ADCY6: variants seen among roughly 807,000 people sequenced by gnomAD.
ADCY6 encodes the protein adenylate cyclase type 6.
Under a neutral mutation model 111.6 loss-of-function variants are expected in ADCY6, and 59 were observed. That is an observed-to-expected ratio of 0.53 (90% CI 0.43 to 0.66). ADCY6 has a LOEUF of 0.66. ADCY6 is among the 30% of genes least tolerant of loss of function. The probability of loss-of-function intolerance (pLI) is 0.00; values close to 1 mark genes in which losing one functional copy is unlikely to be tolerated. For missense variants in ADCY6, 1,242 were observed against 1,595.6 expected, an observed-to-expected ratio of 0.78 and a Z score of 3.78; for synonymous variants, 576 against 642.9, an observed-to-expected ratio of 0.90 and a Z score of 1.57.
At chr12:48,786,972 T>C (rs989481168) in intron 1 of ADCY6, among the ~76,000 whole-genome samples, 11 of 152,082 alleles carry the variant, frequency 7.2e-5, no homozygotes, top group Admixed American at 5.2e-4. Context: ...ACTTGAAAAA[T>C]ATTAGTTCTT....
chr12:48,786,861 G>C (rs1941987629), intron 1 of ADCY6, among the ~76,000 whole-genome samples: 1 of 152,138 alleles, frequency 6.6e-6, no homozygotes, highest in Non-Finnish European at 1.5e-5. Flanking sequence ...CACTGCCTTG[G>C]GCAAGTTATT....
intron 3 of ADCY6, 107 bp downstream of exon 3, chr12:48,778,001 G>C: frequency 6.9e-7 from 1 of 1,446,220 alleles, no homozygotes; most frequent in South Asian, 1.4e-5. Context: ...CAACCCAGGG[G>C]AACCATCACA....
intron 14 of ADCY6, 122 bp downstream of exon 14, chr12:48,774,280 C>A: frequency 8.8e-7 from 1 of 1,135,860 alleles, no homozygotes; most frequent in East Asian, 2.5e-5. Context: ...GTTAACCTTC[C>A]CCTATTCTGG....
chr12:48,776,337 T>A lies in ADCY6; in HGVS notation c.1549A>T (p.Thr517Ser), dbSNP rs774133986. 6.2e-7 allele frequency: 1 copy of A among 1,614,140 alleles called. No homozygotes were observed. The highest frequency in any genetic ancestry group is 2.2e-5 in the East Asian group (1 of 44,868). The change falls in exon 8 of 22, where the codon ACT becomes TCT. Residue 517 changes from threonine (T) to serine (S), a missense_variant. Thr to Ser is a moderately conservative substitution (Grantham distance 58). Around this residue, in one of 4 missense-constraint regions of ADCY6, gnomAD observed 260 missense variants for 414.6 expected, o/e 0.63. Coordinates refer to ENST00000357869, the MANE Select transcript of ADCY6 (RefSeq NM_015270.5). The surrounding 1 kb of genome is among the most constrained non-coding windows in gnomAD (Gnocchi z 6.1). ...TTCAGGTACTGCAGTGTTGCCCGAG[T>A]GATGTGGATGCGGCTGTATGTGGCC... is the stretch of plus-strand genomic sequence containing the variant. ...AGGRAGRIHI[T>S]RATLQYLNGD...
Position 48,777,134 on chromosome 12 carries a change from T to C in ADCY6, c.1346A>G (p.Glu449Gly). 6.2e-7 allele frequency: 1 copy of C among 1,612,646 alleles called. No homozygotes were observed. The highest frequency in any genetic ancestry group is 2.2e-5 in the East Asian group (1 of 44,864). The change falls in exon 6 of 22, where the codon GAG becomes GGG. Residue 449 changes from glutamate to glycine, a missense_variant. By Grantham distance (98) the Glu-to-Gly change is moderately conservative (BLOSUM62 -2). Around this residue, in one of 4 missense-constraint regions of ADCY6, gnomAD observed 260 missense variants for 414.6 expected, o/e 0.63. Transcript: ENST00000357869. The surrounding 1 kb of genome is among the most constrained non-coding windows in gnomAD (Gnocchi z 4.9). ...ARADHAHCCV[E>G]MGVDMIEAIS... Reference sequence around the variant, plus strand: ...GGCCTCAATCATGTCTACCCCCATCTCCACACAGCAGTGGGCATGGTCGGC... The same window carrying C: ...GGCCTCAATCATGTCTACCCCCATCCCCACACAGCAGTGGGCATGGTCGGC...
At chr12:48,781,354 C>T (rs1941839395) in intron 2 of ADCY6, among the ~76,000 whole-genome samples, 1 of 152,202 alleles carries the variant, frequency 6.6e-6, no homozygotes, top group East Asian at 1.9e-4. Flanking sequence ...CAACAGGCCA[C>T]AAGCCTTCAA....
intron 1 of ADCY6, among the ~76,000 whole-genome samples, chr12:48,785,272 T>C (rs1258337211): frequency 6.6e-6 from 1 of 152,202 alleles, no homozygotes; most frequent in Non-Finnish European, 1.5e-5. Flanking sequence ...AAGGCAAGGA[T>C]TTTGACCTGC....
chr12:48,775,186 C>A, intron 11 of ADCY6, 117 bp downstream of exon 11: 1 of 1,498,456 alleles, frequency 6.7e-7, no homozygotes. Flanking sequence ...CCTCACCCTG[C>A]TCTGTGGTCC....
In ADCY6 at chr12:48,782,696, A is replaced by G. The variant is rs1354435462; in HGVS notation, c.739T>C (p.Tyr247His). The change falls in exon 2 of 22, where the codon TAC (tyrosine) becomes CAC (histidine). Residue 247 changes from tyrosine to histidine, a missense_variant. Physicochemically the swap from Tyr to His is moderately conservative, Grantham distance 83 (BLOSUM62 2). Around this residue, in one of 4 missense-constraint regions of ADCY6, gnomAD observed 362 missense variants for 377.2 expected, o/e 0.96. Coordinates refer to ENST00000357869, the MANE Select transcript of ADCY6 (RefSeq NM_015270.5). This position sits in a 1 kb window ranked among gnomAD's most constrained non-coding sequence, Gnocchi z 4.3. ...ATGGGGAGGAGCGTGTAGGCGATGT[A>G]GACAAAGAACACAGGGCACCAGAGG... Reference protein sequence around the residue: ...AGLWCPVFFVYIAYTLLPIRM... With the variant: ...AGLWCPVFFVHIAYTLLPIRM... 1 of 1,592,340 alleles carries G rather than the reference A, an allele frequency of 6.3e-7. No individual in the cohort carries two copies. Among genetic ancestry groups the G allele is most frequent in the African/African-American group, 1.3e-5 (1 of 74,534 alleles).
Position 48,782,543 on chromosome 12 carries a change from C to T in ADCY6, c.864+28G>A, listed in dbSNP as rs954957612. The T allele has an allele frequency of 3.1e-6, 5 of 1,589,176 alleles. No individual in the cohort carries two copies. Among genetic ancestry groups the T allele is most frequent in the Non-Finnish European group, 4.3e-6 (5 of 1,167,704 alleles). On this transcript the variant is annotated intron_variant, in intron 2 of 21. Transcript: ENST00000357869. This position sits in a 1 kb window ranked among gnomAD's most constrained non-coding sequence, Gnocchi z 4.3. ...GGTGAGAAATTCCCCACCTGCTGCC[C>T]TCCATCCCTACCTCCCTGGCCACCT...
Position 48,768,427 on chromosome 12 carries a change from G to C in ADCY6, c.*164C>G. The C allele has an allele frequency of 1.0e-6, 1 of 992,734 alleles. No individual in the cohort carries two copies. The highest frequency in any genetic ancestry group is 1.5e-6 in the Non-Finnish European group (1 of 665,576). 61.5% of individuals were successfully genotyped at this position (992,734 alleles called of 1,614,324 possible). A position where few individuals can be genotyped will look rare whatever the true frequency, so the allele number is the denominator to read the frequency against. ...TAGGTAGCCCCTTGTTTTCCAGCTTGAGGGCAGACGAGCATGATCCAAGCA... is the reference window on the plus strand; with the variant it reads ...TAGGTAGCCCCTTGTTTTCCAGCTTCAGGGCAGACGAGCATGATCCAAGCA... On this transcript the variant is annotated 3_prime_UTR_variant, in exon 22 of 22. Transcript: ENST00000357869.
In ADCY6 at chr12:48,777,353, G is replaced by A. The variant is rs1592160708; in HGVS notation, c.1248+57C>T. 1 of 1,606,070 alleles carries A rather than the reference G, an allele frequency of 6.2e-7. No individual in the cohort carries two copies. Among genetic ancestry groups the A allele is most frequent in the Non-Finnish European group, 8.5e-7 (1 of 1,174,172 alleles). ...CAAATCCCCAGCTGCTGCCAGCAAA[G>A]CTATGCTCTCACCACGGTCAACACC... On this transcript the variant is annotated intron_variant, in intron 5 of 21. Transcript: ENST00000357869. This position sits in a 1 kb window ranked among gnomAD's most constrained non-coding sequence, Gnocchi z 4.9.
At chr12:48,784,667 T>TTTTTTTTG (rs1468507514) in intron 1 of ADCY6, among the ~76,000 whole-genome samples, 12 of 125,184 alleles carry the variant, frequency 9.6e-5, no homozygotes, top group African/African-American at 4.1e-4. Flanking sequence ...AATCTGGAGT[T>TTTTTTTTG]TTTTTTTTTT....
intron 1 of ADCY6, among the ~76,000 whole-genome samples, chr12:48,788,496 G>A (rs2137405842): frequency 6.6e-6 from 1 of 152,042 alleles, no homozygotes; most frequent in South Asian, 2.1e-4. Flanking sequence ...GACTCCCGCA[G>A]ACAGAGGGCA....
chr12:48,777,754 A>G lies in ADCY6; in HGVS notation c.1015-18T>C, dbSNP rs766026009. ...AGCCGCTCCTAGCCCAGTGGTTCCA[A>G]TAGGGCATCACTATACTCTTGGTCT... On this transcript the variant is annotated intron_variant, in intron 3 of 21. Transcript: ENST00000357869. This position sits in a 1 kb window ranked among gnomAD's most constrained non-coding sequence, Gnocchi z 4.9. 9.9e-6 allele frequency: 16 copies of G among 1,613,434 alleles called. No individual in the cohort carries two copies. The highest frequency in any genetic ancestry group is 1.3e-5 in the Non-Finnish European group (15 of 1,179,844).
intron 16 of ADCY6, 108 bp from the exon 17 acceptor site, chr12:48,772,651 C>T (rs973104919): frequency 7.6e-7 from 1 of 1,318,046 alleles, no homozygotes; most frequent in Non-Finnish European, 1.1e-6. Flanking sequence ...TACTGTAAGT[C>T]AGGCATTGGG....
rs1411484043 is a variant in ADCY6 at position 48,774,479 on chromosome 12, C to T, written c.2206G>A (p.Val736Ile). The part of the protein sequence containing the change: ...KALQRLSRSI[V>I]RSRAHSTAVG... ...GCGGTGCTATGTGCCCGTGAGCGGACAATGCTGCGGGACAGACGTTGCAGG... is the reference window on the plus strand; with the variant it reads ...GCGGTGCTATGTGCCCGTGAGCGGATAATGCTGCGGGACAGACGTTGCAGG... The change falls in exon 14 of 22, where the codon GTC becomes ATC. Residue 736 changes from valine (V) to isoleucine (I), a missense_variant. By Grantham distance (29) the Val-to-Ile change is conservative. Around this residue, in one of 4 missense-constraint regions of ADCY6, gnomAD observed 375 missense variants for 432.5 expected, o/e 0.87. Coordinates refer to ENST00000357869, the MANE Select transcript of ADCY6 (RefSeq NM_015270.5). 1 of 1,613,828 alleles carries T rather than the reference C, an allele frequency of 6.2e-7. No homozygotes were observed. Among genetic ancestry groups the T allele is most frequent in the Admixed American group, 1.7e-5 (1 of 59,978 alleles).
rs574826427 is a variant in ADCY6 at position 48,788,395 on chromosome 12, C to T, written c.-5+511G>A. 1.1e-3 allele frequency among the ~76,000 whole-genome samples: 168 copies of T among 152,306 alleles called. 1 individual carries two copies. Among genetic ancestry groups the T allele is most frequent in the Non-Finnish European group, 1.9e-3 (129 of 68,022 alleles). ...GAGTCTGCTTTGAATAAAGTCAGCT[C>T]CCCTGCCCACCCTGCGGCAGGCCTT... On this transcript the variant is annotated intron_variant, in intron 1 of 21. Transcript: ENST00000357869.
Position 48,771,886 on chromosome 12 carries a change from G to A in ADCY6, c.2875C>T (p.His959Tyr). The A allele has an allele frequency of 6.2e-7, 1 of 1,614,178 alleles. No individual in the cohort carries two copies. Among genetic ancestry groups the A allele is most frequent in the Non-Finnish European group, 8.5e-7 (1 of 1,180,030 alleles). Residue 959 changes from histidine to tyrosine, a missense_variant, in exon 19 of 22, where the codon CAC becomes TAC. By Grantham distance (83) the His-to-Tyr change is moderately conservative (BLOSUM62 2). Around this residue, in one of 4 missense-constraint regions of ADCY6, gnomAD observed 245 missense variants for 371.3 expected, o/e 0.66. Transcript: ENST00000357869. The surrounding 1 kb of genome is among the most constrained non-coding windows in gnomAD (Gnocchi z 4.3). ...TTGCGGCGCTCCCGGGCCAGGAAGT[G>A]GGCCGCCACGTCCTTGGGCAGAATG... ...HNILPKDVAA[H>Y]FLARERRNDE...
Sources: allele counts gnomAD v4.1 joint callset (sites outside exome capture counted in the v4.1 genomes callset), GRCh38; gene constraint gnomAD v4.1.1; regional missense constraint gnomAD v4.1.1; non-coding constraint Gnocchi (gnomAD v3.1); transcripts MANE v1.5; gene names NCBI Gene and HGNC (gene_info 2026-07-23, HGNC 2026-07-21).